Variants in BAIAP3 observed in about 807,000 individuals in gnomAD.
BAIAP3 encodes the protein BAI1 associated protein 3.
BAIAP3 carries 180 observed loss-of-function variants against 149.7 expected under a neutral mutation model. That is an observed-to-expected ratio of 1.20 (90% CI 1.07 to 1.36). The LOEUF is 1.36. Among genes scored for constraint, BAIAP3 ranks in the 40% most tolerant of loss-of-function variants. BAIAP3 has a pLI of 0.00. For synonymous variants in BAIAP3, 845 were observed against 670.7 expected (o/e 1.26, Z -4.02); for missense variants, 1,767 against 1,563.4 (o/e 1.13, Z -2.20).
At chr16:1,337,188 GGTGT>G (rs1300928998) in intron 1 of BAIAP3, among the ~76,000 whole-genome samples, 1 of 152,152 alleles carries the variant, frequency 6.6e-6, no homozygotes, top group Admixed American at 6.5e-5. Flanking sequence ...TGTTGAAGGG[GGTGT>G]GCAGGGCAGG....
intron 29 of BAIAP3, 84 bp downstream of exon 29, chr16:1,347,453 G>C: frequency 1.3e-6 from 2 of 1,586,640 alleles, no homozygotes; most frequent in South Asian, 2.3e-5. Context: ...GTGTCCTTGA[G>C]CATGAGGTGG....
Position 1,344,239 on chromosome 16 carries a change from G to A in BAIAP3, c.1524G>A (p.Lys508=). Residue 508 remains lysine (K), a synonymous_variant, in exon 17 of 34, where the codon AAG becomes AAA. Coordinates refer to ENST00000426824, the MANE Select transcript of BAIAP3 (RefSeq NM_001199097.2). ...RLELLLKCLG[K]LQLFQPSFEI... ...TGCCCCCACCCAGGTGTCTGGGCAA[G>A]CTGCAGCTCTTCCAACCCTCCTTTG... is the stretch of plus-strand genomic sequence containing the variant. 1 of 1,613,578 alleles carries A rather than the reference G, an allele frequency of 6.2e-7. No homozygotes were observed. The highest frequency in any genetic ancestry group is 8.5e-7 in the Non-Finnish European group (1 of 1,179,954).
chr16:1,344,382 T>C, intron 17 of BAIAP3, 65 bp downstream of exon 17: 1 of 1,609,712 alleles, frequency 6.2e-7, no homozygotes, highest in Non-Finnish European at 8.5e-7. Context: ...TGCCTTCCCG[T>C]CCCCTGCACC....
intron 17 of BAIAP3, 22 bp downstream of exon 17, chr16:1,344,339 AG>A (rs1422988224): frequency 1.2e-6 from 2 of 1,613,256 alleles, no homozygotes; most frequent in Non-Finnish European, 1.7e-6. Context: ...AGCCCAGTGG[AG>A]GCCGGCTGCT....
At position 1,346,882 on chromosome 16, in the gene BAIAP3, C is replaced by A. The variant is rs1348581494; in HGVS notation, c.2678C>A (p.Ala893Asp). The change falls in exon 28 of 34, where the codon GCC (alanine) becomes GAC (aspartate). Residue 893 changes from alanine to aspartate, a missense_variant. By Grantham distance (126) the Ala-to-Asp change is moderately radical. Coordinates refer to ENST00000426824, the MANE Select transcript of BAIAP3 (RefSeq NM_001199097.2). ...GCCCTGTGGGAGCTACTCCTCCAGG[C>A]CATTCTGCAGGCGCTGGGTGCAAAC... The part of the protein sequence containing the change: ...LEALWELLLQ[A>D]ILQALGANRD... The A allele has an allele frequency of 1.2e-6, 2 of 1,609,090 alleles. No homozygotes were observed. Among genetic ancestry groups the A allele is most frequent in the Non-Finnish European group, 1.7e-6 (2 of 1,179,020 alleles).
Position 1,346,254 on chromosome 16 carries a change from A to G in BAIAP3, c.2386A>G (p.Thr796Ala). The change falls in exon 25 of 34, where the codon ACG (threonine) becomes GCG (alanine). Residue 796 changes from threonine (T) to alanine (A), a missense_variant. Thr to Ala is a moderately conservative substitution (Grantham distance 58). Coordinates refer to ENST00000426824, the MANE Select transcript of BAIAP3 (RefSeq NM_001199097.2). ...LKGLAWPEGA[T>A]GPEGVLPRPL... ...GGGCCTGGCATGGCCAGAGGGGGCC[A>G]CGGGGCCCGAGGGGGTGCTCCCCCG... 1 of 1,611,136 alleles carries G rather than the reference A, an allele frequency of 6.2e-7. No individual in the cohort carries two copies. Among genetic ancestry groups the G allele is most frequent in the Non-Finnish European group, 8.5e-7 (1 of 1,179,068 alleles).
chr16:1,342,363 G>GCC, intron 11 of BAIAP3, 80 bp downstream of exon 11: 1 of 1,481,508 alleles, frequency 6.7e-7, no homozygotes, highest in African/African-American at 1.4e-5. Context: ...GCAGGGCACT[G>GCC]CCTGGAGAAG....
rs775505091 is a variant in BAIAP3, at chr16:1,347,689, G to C, written c.2905-12G>C. ...TCCCAGAGCCCAGCTGCGCTCACCC[G>C]CCTTTCCGCAGAGGACCCTGGAGCA... On this transcript the variant is annotated splice_polypyrimidine_tract_variant and intron_variant, in intron 30 of 33. Coordinates refer to ENST00000426824, the MANE Select transcript of BAIAP3 (RefSeq NM_001199097.2). 2 of 1,611,298 alleles carry C rather than the reference G, an allele frequency of 1.2e-6. No homozygotes were observed. The highest frequency in any genetic ancestry group is 1.7e-5 in the Admixed American group (1 of 59,946).
In BAIAP3 at chr16:1,341,881, G is replaced by A. The variant is rs749271020; in HGVS notation, c.776+15G>A. On this transcript the variant is annotated intron_variant, in intron 9 of 33. Coordinates refer to ENST00000426824, the MANE Select transcript of BAIAP3 (RefSeq NM_001199097.2). ...CTGGACATCTGGTACAGGCCCCTGC[G>A]CCATGCAGGGCGGCGGGGATGCACA... 6 of 1,608,882 alleles carry A rather than the reference G, an allele frequency of 3.7e-6. No individual in the cohort carries two copies. The highest frequency in any genetic ancestry group is 4.5e-5 in the East Asian group (2 of 44,860).
chr16:1,338,455 C>T, intron 1 of BAIAP3, 85 bp from the exon 2 acceptor site: 3 of 145,414 alleles, frequency 2.1e-5, no homozygotes, highest in Non-Finnish European at 4.6e-5. Flanking sequence ...CTCTTCCCGC[C>T]CCACCCCCCC....
Position 1,339,170 on chromosome 16 carries a change from C to A in BAIAP3, c.226C>A (p.Leu76Met), listed in dbSNP as rs774263257. 1 of 1,567,750 alleles carries A rather than the reference C, an allele frequency of 6.4e-7. No homozygotes were observed. Among genetic ancestry groups the A allele is most frequent in the South Asian group, 1.2e-5 (1 of 86,156 alleles). Reference protein sequence around the residue: ...RQGLPCLEVPLRSGSPAPPEP... With the variant: ...RQGLPCLEVPMRSGSPAPPEP... ...CCCTGGGCCCCACACACAGGTCCCC[C>A]TGCGCAGTGGCTCGCCAGCACCCCC... The change falls in exon 4 of 34, where the codon CTG (leucine) becomes ATG (methionine). Residue 76 changes from leucine (L) to methionine (M), a missense_variant. Physicochemically the swap from Leu to Met is conservative, Grantham distance 15 (BLOSUM62 2). Coordinates refer to ENST00000426824, the MANE Select transcript of BAIAP3 (RefSeq NM_001199097.2).
chr16:1,341,049 G>C (rs1299622188), intron 6 of BAIAP3, 68 bp downstream of exon 6: 1 of 1,611,156 alleles, frequency 6.2e-7, no homozygotes, highest in Non-Finnish European at 8.5e-7. Flanking sequence ...ACGGGGCAAG[G>C]CCCTGTCACC....
chr16:1,344,980 G>A lies in BAIAP3; in HGVS notation c.1821G>A (p.Glu607=), dbSNP rs1299221163. 2 of 1,613,080 alleles carry A rather than the reference G, an allele frequency of 1.2e-6. No homozygotes were observed. Among genetic ancestry groups the A allele is most frequent in the East Asian group, 2.2e-5 (1 of 44,884 alleles). Residue 607 remains glutamate, a synonymous_variant, in exon 21 of 34, where the codon GAG becomes GAA. Transcript: ENST00000426824. ...FRQLERLVAE[E]AWVLTEELSP... ...GCTGTCCCGGACAGGTGGCTGAGGAGGCGTGGGTGCTGACGGAGGAGCTGA... is the reference window on the plus strand; with the variant it reads ...GCTGTCCCGGACAGGTGGCTGAGGAAGCGTGGGTGCTGACGGAGGAGCTGA...
In BAIAP3 at chr16:1,341,980, C is replaced by A; in HGVS notation, c.777-6C>A. On this transcript the variant is annotated splice_polypyrimidine_tract_variant and splice_region_variant and intron_variant, in intron 9 of 33. Transcript: ENST00000426824. ...GACAAGCCAGGTCCTCCCCTGTCCC[C>A]ACCAGGGATCATGACGACGATGTAT... 1.3e-6 allele frequency: 2 copies of A among 1,591,268 alleles called. No individual in the cohort carries two copies.
intron 19 of BAIAP3, 50 bp downstream of exon 19, chr16:1,344,748 G>A (rs1271317227): frequency 1.5e-6 from 1 of 652,440 alleles, no homozygotes; most frequent in Non-Finnish European, 2.0e-6. Flanking sequence ...GGAGCCAACA[G>A]GGCCTGCAGG....
At chr16:1,345,700 A>T (rs1360759166) in intron 22 of BAIAP3, 47 bp from the exon 23 acceptor site, 1 of 220,538 alleles carries the variant, frequency 4.5e-6, no homozygotes, top group Non-Finnish European at 6.2e-6. Flanking sequence ...CCACCTCCCC[A>T]GCCTCCCCTG....
At chr16:1,337,050 G>C (rs2033501929) in intron 1 of BAIAP3, among the ~76,000 whole-genome samples, 1 of 152,190 alleles carries the variant, frequency 6.6e-6, no homozygotes, top group Non-Finnish European at 1.5e-5. Flanking sequence ...TTTCCATGGA[G>C]CGGGGAGGAG....
intron 28 of BAIAP3, 142 bp from the exon 29 acceptor site, chr16:1,347,156 T>G: frequency 1.0e-6 from 1 of 965,662 alleles, no homozygotes; most frequent in East Asian, 2.6e-5. Flanking sequence ...GAGCTTCCGA[T>G]GCCCGCCAGG....
At position 1,342,973 on chromosome 16, in the gene BAIAP3, C is replaced by T. The variant is rs1245285926; in HGVS notation, c.1222C>T (p.His408Tyr). 4 of 1,611,532 alleles carry T rather than the reference C, an allele frequency of 2.5e-6. No homozygotes were observed. In the African/African-American group the frequency reaches 4.0e-5, roughly 16 times the overall value. The change falls in exon 14 of 34, where the codon CAC becomes TAC. Residue 408 changes from histidine (H) to tyrosine (Y), a missense_variant. Coordinates refer to ENST00000426824, the MANE Select transcript of BAIAP3 (RefSeq NM_001199097.2). ...ACCAGCCGCCACCATCCTCTGCCTG[C>T]ACGGAGCCCAGAGCAACCTGTCACC... Reference protein sequence around the residue: ...STPAATILCLHGAQSNLSPLQ... With the variant: ...STPAATILCLYGAQSNLSPLQ...
Sources: gnomAD v4.1 joint callset for allele counts (sites outside exome capture counted in the v4.1 genomes callset) on GRCh38, gnomAD v4.1.1 for gene constraint, MANE v1.5 for transcripts, NCBI Gene and HGNC (gene_info 2026-07-23, HGNC 2026-07-21) for gene names.